MBNL2: variants seen among roughly 807,000 people sequenced by gnomAD.
MBNL2 encodes muscleblind like splicing regulator 2.
In MBNL2, 17 loss-of-function variants were observed where a neutral mutation model predicts 41.9. The ratio of observed to expected loss-of-function variants is 0.41; its 90% CI spans 0.28 to 0.61. The LOEUF (loss-of-function observed/expected upper bound fraction) is 0.61. MBNL2 is among the 20% of genes least tolerant of loss of function. MBNL2 has a pLI of 0.35. For missense variants in MBNL2, 336 were observed against 505.6 expected (o/e 0.66, Z 3.22); for synonymous variants, 195 against 182.9 (o/e 1.07, Z -0.53).
intron 2 of MBNL2, among the ~76,000 whole-genome samples, chr13:97,327,329 G>A (rs566343785): frequency 9.2e-5 from 14 of 151,926 alleles, no homozygotes; most frequent in African/African-American, 3.1e-4. Flanking sequence ...TACATCCCTG[G>A]TGTCACTTTT....
At chr13:97,190,574 G>T in the MBNL2 span, among the ~76,000 whole-genome samples, 1 of 152,124 alleles carries the variant, frequency 6.6e-6, no homozygotes, top group Non-Finnish European at 1.5e-5. Flanking sequence ...AGGTCAAAAG[G>T]CTATAATTTT....
intron 2 of MBNL2, among the ~76,000 whole-genome samples, chr13:97,306,610 A>G (rs2153011480): frequency 6.6e-6 from 1 of 152,378 alleles, no homozygotes; most frequent in East Asian, 1.9e-4. Flanking sequence ...TGCCTGGGAC[A>G]TAAATGGGAA....
At position 97,226,021 on chromosome 13, in the gene MBNL2, G is replaced by GTT. The variant is rs553659328; in HGVS notation, c.-605+3499_-605+3500dup. ...TTTCTCCAGTTTTATACTCTTCTCAGTTTTTTTTTTCTTTTAAAAAATGTG... is the reference window on the plus strand; with the variant it reads ...TTTCTCCAGTTTTATACTCTTCTCAGTTTTTTTTTTTTCTTTTAAAAAATGTG... On this transcript the variant is annotated intron_variant, in intron 1 of 8. Transcript: ENST00000679496. Among the ~76,000 whole-genome samples, 1,144 of 149,604 alleles carry GTT rather than the reference G, an allele frequency of 7.6e-3. 15 individuals carry two copies. Among genetic ancestry groups the GTT allele is most frequent in the African/African-American group, 0.022 (877 of 40,724 alleles).
intron 8 of MBNL2, among the ~76,000 whole-genome samples, chr13:97,376,276 T>C (rs1478787804): frequency 6.6e-6 from 1 of 152,214 alleles, no homozygotes; most frequent in Non-Finnish European, 1.5e-5. Flanking sequence ...ACTTCTGTGG[T>C]GTCTGTGGAT....
chr13:97,314,707 C>T (rs2058889512), intron 2 of MBNL2, among the ~76,000 whole-genome samples: 1 of 152,194 alleles, frequency 6.6e-6, no homozygotes, highest in Non-Finnish European at 1.5e-5. Context: ...ATCCGCAGCT[C>T]AGGCACTGAG....
chr13:97,219,992 A>G (rs2040720371), upstream of MBNL2, among the ~76,000 whole-genome samples: 1 of 152,256 alleles, frequency 6.6e-6, no homozygotes, highest in Admixed American at 6.5e-5. Context: ...AAAGACTTTG[A>G]TAATGGATTT....
intron 8 of MBNL2, among the ~76,000 whole-genome samples, chr13:97,369,545 T>G (rs944646799): frequency 2.0e-5 from 3 of 152,250 alleles, no homozygotes; most frequent in Admixed American, 2.0e-4. Flanking sequence ...TGACAGATTT[T>G]TTGTTAATTT....
chr13:97,164,769 C>G, the MBNL2 span, among the ~76,000 whole-genome samples: 1 of 152,158 alleles, frequency 6.6e-6, no homozygotes, highest in African/African-American at 2.4e-5. Flanking sequence ...TCTCTTAATT[C>G]TGGAGAAACC....
chr13:97,199,033 C>T, the MBNL2 span, among the ~76,000 whole-genome samples: 1 of 152,134 alleles, frequency 6.6e-6, no homozygotes, highest in Non-Finnish European at 1.5e-5. Context: ...GTGGAAGGTC[C>T]AGCATGATTT....
intron 2 of MBNL2, among the ~76,000 whole-genome samples, chr13:97,288,488 GT>G (rs1256589092): frequency 2.0e-5 from 3 of 152,188 alleles, no homozygotes; most frequent in Admixed American, 2.0e-4. Context: ...GAATGGCTTT[GT>G]TTCAGTGCAC....
At position 97,285,823 on chromosome 13, in the gene MBNL2, C is replaced by G. The variant is rs140028574; in HGVS notation, c.174+9414C>G. ...ATTCACACTGATTTGGTGATTCACT[C>G]TCATCTGGTTTTCACCTCACCTCAT... On this transcript the variant is annotated intron_variant, in intron 2 of 8. Coordinates refer to ENST00000679496, the MANE Select transcript of MBNL2 (RefSeq NM_001382683.1). Among the ~76,000 whole-genome samples, 12 of 152,234 alleles carry G rather than the reference C, an allele frequency of 7.9e-5. No homozygotes were observed. The East Asian group carries it at 2.3e-3, about 29-fold the overall frequency.
intron 2 of MBNL2, among the ~76,000 whole-genome samples, chr13:97,306,150 C>T (rs544841526): frequency 3.3e-5 from 5 of 152,188 alleles, no homozygotes; most frequent in African/African-American, 1.2e-4. Context: ...CCTCTTTCCC[C>T]AGTGTCCCTA....
chr13:97,276,077 C>T lies in MBNL2; in HGVS notation c.-159C>T. ...GAGTGATTGCCTGTCCATACACTCTCTCATCATCCTGTTCCTTGGATTGGA... is the reference window on the plus strand; with the variant it reads ...GAGTGATTGCCTGTCCATACACTCTTTCATCATCCTGTTCCTTGGATTGGA... On this transcript the variant is annotated 5_prime_UTR_variant, in exon 2 of 9. Transcript: ENST00000679496. 5.0e-6 allele frequency: 3 copies of T among 599,090 alleles called. No individual in the cohort carries two copies. Among genetic ancestry groups the T allele is most frequent in the Non-Finnish European group, 8.9e-6 (3 of 336,790 alleles). 37.1% of individuals were successfully genotyped at this position (599,090 alleles called of 1,614,324 possible).
chr13:97,172,648 ACTG>A, the MBNL2 span: 1 of 152,178 alleles, frequency 6.6e-6, no homozygotes, highest in Non-Finnish European at 1.5e-5. Flanking sequence ...GTAGCATAGA[ACTG>A]TAAGAATGAA....
chr13:97,227,150 T>G (rs1250771367), intron 1 of MBNL2, among the ~76,000 whole-genome samples: 3 of 152,114 alleles, frequency 2.0e-5, no homozygotes, highest in African/African-American at 7.2e-5. Context: ...TTAGTGTGTA[T>G]TCTCTGGGCA....
At chr13:97,215,222 CAA>C in the MBNL2 span, among the ~76,000 whole-genome samples, 1 of 152,208 alleles carries the variant, frequency 6.6e-6, no homozygotes, top group East Asian at 1.9e-4. Context: ...ACCAGAAAAA[CAA>C]TGAGACAGTT....
chr13:97,259,409 G>A (rs1032438770), intron 1 of MBNL2, among the ~76,000 whole-genome samples: 2 of 152,192 alleles, frequency 1.3e-5, no homozygotes, highest in South Asian at 2.1e-4. Context: ...CCCCTGCACC[G>A]ACTCCTCAAG....
the MBNL2 span, among the ~76,000 whole-genome samples, chr13:97,177,281 A>G: frequency 2.0e-5 from 3 of 152,122 alleles, no homozygotes; most frequent in South Asian, 2.1e-4. Context: ...AGAGGTTTCA[A>G]TGAGCTGAGA....
At chr13:97,232,094 G>A (rs886219749) in intron 1 of MBNL2, among the ~76,000 whole-genome samples, 12 of 54,688 alleles carry the variant, frequency 2.2e-4, no homozygotes, top group Admixed American at 1.2e-3. Flanking sequence ...TAATAGAAAC[G>A]AAGACATTAT....
Sources: gnomAD v4.1 joint callset for allele counts (sites outside exome capture counted in the v4.1 genomes callset) on GRCh38, gnomAD v4.1.1 for gene constraint, MANE v1.5 for transcripts, NCBI Gene and HGNC (gene_info 2026-07-23, HGNC 2026-07-21) for gene names.